Variants in SLC14A2 observed in about 807,000 individuals in gnomAD.
SLC14A2 encodes the protein urea transporter 2.
Under a neutral mutation model 104.6 loss-of-function variants are expected in SLC14A2, and 91 were observed. The observed-to-expected ratio is 0.87, with a 90% CI of 0.73 to 1.04. The LOEUF (loss-of-function observed/expected upper bound fraction) is 1.04, where lower values mean the gene tolerates loss of function less well. SLC14A2 is among the 50% of genes least tolerant of loss of function. The pLI is 0.00. For missense variants in SLC14A2, 1,189 were observed against 1,156.0 expected (o/e 1.03, Z -0.41); for synonymous variants, 476 against 466.4 (o/e 1.02, Z -0.27).
chr18:45,542,077 T>TTTTTTTTTTTTTTTC, intron 2 of SLC14A2: 1 of 135,896 alleles, frequency 7.4e-6, no homozygotes, highest in South Asian at 2.4e-4. Flanking sequence ...TTTTTTGCTT[T>TTTTTTTTTTTTTTTC]TGAGTTTCCT....
At chr18:45,334,203 C>T (rs899989996) in intron 1 of SLC14A2, among the ~76,000 whole-genome samples, 6 of 152,154 alleles carry the variant, frequency 3.9e-5, no homozygotes, top group Non-Finnish European at 7.4e-5. Flanking sequence ...AGTCATTGCC[C>T]TTTATTGTAA....
chr18:45,468,164 G>GA (rs1259575505), intron 1 of SLC14A2, among the ~76,000 whole-genome samples: 2 of 152,072 alleles, frequency 1.3e-5, no homozygotes, highest in Admixed American at 6.5e-5. Context: ...AGAACAATTT[G>GA]AAAGGATGCA....
chr18:45,366,764 G>C (rs760994786), intron 1 of SLC14A2, among the ~76,000 whole-genome samples: 1 of 152,206 alleles, frequency 6.6e-6, no homozygotes, highest in Non-Finnish European at 1.5e-5. Context: ...AACTGGCTCA[G>C]CTGGTATCTG....
At chr18:45,440,445 C>T (rs1388748382) in intron 1 of SLC14A2, 1 of 152,172 alleles carries the variant, frequency 6.6e-6, no homozygotes, top group Admixed American at 6.5e-5. Context: ...CAGAGCTGTT[C>T]CAGCTTGTTG....
Position 45,632,343 on chromosome 18 carries a change from C to G in SLC14A2, c.522-7C>G. On this transcript the variant is annotated splice_region_variant and splice_polypyrimidine_tract_variant and intron_variant, in intron 4 of 19. Transcript: ENST00000255226. ...TCAAATGCAAAATCAGTCTGTTTCA[C>G]CGCCAGGTCTGCCATTGCCTCAGGA... 6.2e-7 allele frequency: 1 copy of G among 1,610,308 alleles called. No homozygotes were observed. Among genetic ancestry groups the G allele is most frequent in the Non-Finnish European group, 8.5e-7 (1 of 1,178,568 alleles).
intron 1 of SLC14A2, among the ~76,000 whole-genome samples, chr18:45,382,190 A>G (rs757581610): frequency 9.9e-5 from 15 of 152,206 alleles, no homozygotes; most frequent in Non-Finnish European, 1.2e-4. Context: ...ACACACATTC[A>G]GTGCATCTGC....
At chr18:45,480,476 G>T (rs1332581006) in intron 1 of SLC14A2, among the ~76,000 whole-genome samples, 2 of 152,128 alleles carry the variant, frequency 1.3e-5, no homozygotes, top group African/African-American at 2.4e-5. Context: ...AAGATAGGTA[G>T]AACAGCAGGA....
At chr18:45,629,543 T>G (rs1407010052) in intron 4 of SLC14A2, among the ~76,000 whole-genome samples, 1 of 152,178 alleles carries the variant, frequency 6.6e-6, no homozygotes, top group Non-Finnish European at 1.5e-5. Flanking sequence ...GCCCACTGCC[T>G]TCTTAGCTGT....
intron 19 of SLC14A2, among the ~76,000 whole-genome samples, chr18:45,680,431 T>G (rs2046295419): frequency 6.6e-6 from 1 of 152,172 alleles, no homozygotes; most frequent in Non-Finnish European, 1.5e-5. Context: ...TTGGCCACTC[T>G]CCGGAATATA....
intron 1 of SLC14A2, among the ~76,000 whole-genome samples, chr18:45,382,945 G>T (rs1362548881): frequency 6.6e-6 from 1 of 152,180 alleles, no homozygotes; most frequent in Non-Finnish European, 1.5e-5. Flanking sequence ...GCTCTATTTG[G>T]TTGATATTGG....
At chr18:45,680,986 G>A (rs12964305) in intron 19 of SLC14A2, among the ~76,000 whole-genome samples, 55,397 of 151,418 alleles carry the variant, frequency 0.37, 11,234 homozygotes, top group South Asian at 0.48. Context: ...CGCACCCAAC[G>A]GTGCCATCTC....
At chr18:45,463,686 A>G (rs1034272643) in intron 1 of SLC14A2, among the ~76,000 whole-genome samples, 3 of 152,202 alleles carry the variant, frequency 2.0e-5, no homozygotes, top group Non-Finnish European at 2.9e-5. Flanking sequence ...ACCACAGTGC[A>G]CAGAGGTGAA....
chr18:45,460,353 T>C (rs1476185216), intron 1 of SLC14A2, among the ~76,000 whole-genome samples: 1 of 152,050 alleles, frequency 6.6e-6, no homozygotes, highest in Non-Finnish European at 1.5e-5. Context: ...CCCAATGAAG[T>C]CTTCCTATTC....
At chr18:45,311,493 T>C (rs569475864) in intron 1 of SLC14A2, among the ~76,000 whole-genome samples, 2 of 152,346 alleles carry the variant, frequency 1.3e-5, no homozygotes, top group Admixed American at 6.5e-5. Context: ...GGTAACTATA[T>C]GATCTGGGCT....
chr18:45,405,899 A>G (rs1207986247), intron 1 of SLC14A2, among the ~76,000 whole-genome samples: 1 of 97,938 alleles, frequency 1.0e-5, no homozygotes, highest in African/African-American at 9.2e-5. Flanking sequence ...TCCATCTCGA[A>G]AAAAAAAAAA....
Position 45,673,786 on chromosome 18 carries a change from C to T in SLC14A2, c.2481C>T (p.Thr827=). ...IAIGGMFYVI[T]WQTHLLAIAC... ...TAGGAGGCATGTTCTACGTCATCAC[C>T]TGGCAGACGCACCTCCTCGCCATCG... is the stretch of plus-strand genomic sequence containing the variant. The change falls in exon 18 of 20, where the codon ACC becomes ACT. Residue 827 remains threonine, a synonymous_variant. Coordinates refer to ENST00000255226, the MANE Select transcript of SLC14A2 (RefSeq NM_007163.4). The T allele has an allele frequency of 1.2e-6, 2 of 1,614,214 alleles. No individual in the cohort carries two copies. Among genetic ancestry groups the T allele is most frequent in the South Asian group, 2.2e-5 (2 of 91,090 alleles).
chr18:45,595,479 G>C (rs1005594099), intron 2 of SLC14A2, among the ~76,000 whole-genome samples: 6 of 151,436 alleles, frequency 4.0e-5, no homozygotes, highest in African/African-American at 1.5e-4. Flanking sequence ...CCACACTTTT[G>C]CCACTGCATT....
intron 1 of SLC14A2, among the ~76,000 whole-genome samples, chr18:45,360,914 CCT>C (rs2085603758): frequency 1.3e-5 from 2 of 152,136 alleles, no homozygotes; most frequent in East Asian, 1.9e-4. Flanking sequence ...TCTCTCTTTT[CCT>C]CTCTCTTTGT....
intron 1 of SLC14A2, among the ~76,000 whole-genome samples, chr18:45,268,668 C>T (rs1420539413): frequency 6.6e-6 from 1 of 152,166 alleles, no homozygotes; most frequent in Non-Finnish European, 1.5e-5. Flanking sequence ...ATGGTCTTGA[C>T]TCAAAGGTAG....
Sources: allele counts gnomAD v4.1 joint callset (sites outside exome capture counted in the v4.1 genomes callset), GRCh38; gene constraint gnomAD v4.1.1; transcripts MANE v1.5; gene names NCBI Gene and HGNC (gene_info 2026-07-23, HGNC 2026-07-21).